Variants in CACNA1A observed in about 807,000 individuals in gnomAD.
CACNA1A encodes voltage-dependent P/Q-type calcium channel subunit alpha-1A.
In CACNA1A, 57 loss-of-function variants were observed where a neutral mutation model predicts 262.4. The ratio of observed to expected loss-of-function variants is 0.22; its 90% CI spans 0.18 to 0.27. The LOEUF (loss-of-function observed/expected upper bound fraction) is 0.27, where lower values mean the gene tolerates loss of function less well. CACNA1A is among the 10% of genes least tolerant of loss of function. The pLI is 1.00. For synonymous variants in CACNA1A, 1,431 were observed against 1,419.3 expected, an observed-to-expected ratio of 1.01 and a Z score of -0.18; for missense variants, 2,526 against 3,562.8, an observed-to-expected ratio of 0.71 and a Z score of 7.41.
At chr19:13,403,278 T>C (rs1028687366) in intron 3 of CACNA1A, among the ~76,000 whole-genome samples, 3 of 152,142 alleles carry the variant, frequency 2.0e-5, no homozygotes, top group African/African-American at 7.2e-5. Context: ...GTGTTGTTCT[T>C]TGCCTGGGAC....
chr19:13,342,435 T>C (rs911712255), intron 6 of CACNA1A, among the ~76,000 whole-genome samples: 2 of 152,162 alleles, frequency 1.3e-5, no homozygotes, highest in Admixed American at 6.5e-5. Flanking sequence ...GGCTTGCTCA[T>C]TTGTTAAATT....
chr19:13,429,175 C>T (rs1279606024), intron 3 of CACNA1A, among the ~76,000 whole-genome samples: 1 of 108,956 alleles, frequency 9.2e-6, no homozygotes, highest in Non-Finnish European at 2.2e-5. Context: ...CGTACACACA[C>T]ACACACACAC....
Position 13,298,646 on chromosome 19 carries a change from G to C in CACNA1A, c.2987C>G (p.Pro996Arg), listed in dbSNP as rs750356248. The change falls in exon 19 of 47, where the codon CCC (proline) becomes CGC (arginine). Residue 996 changes from proline to arginine, a missense_variant. By Grantham distance (103) the Pro-to-Arg change is moderately radical. Coordinates refer to ENST00000360228, the MANE Select transcript of CACNA1A (RefSeq NM_001127222.2). ...CCTTCTCCTGCGCTCGCCCCCGTCG[G>C]GGCCCTCGCCCTCGCCCTCGCCGCC... ...ARGGEGEGEG[P>R]DGGERRRRHR... 6.6e-7 allele frequency: 1 copy of C among 1,519,434 alleles called. No individual in the cohort carries two copies. Among genetic ancestry groups the C allele is most frequent in the South Asian group, 1.2e-5 (1 of 81,556 alleles). 94.1% of individuals were successfully genotyped at this position (1,519,434 alleles called of 1,614,324 possible).
intron 30 of CACNA1A, among the ~76,000 whole-genome samples, chr19:13,246,878 G>A (rs1013818282): frequency 4.0e-5 from 6 of 151,568 alleles, no homozygotes; most frequent in Admixed American, 2.6e-4. Flanking sequence ...CATCCGCCTC[G>A]GCCTCCCAAA....
intron 3 of CACNA1A, among the ~76,000 whole-genome samples, chr19:13,397,665 G>C (rs545583897): frequency 6.6e-6 from 1 of 152,168 alleles, no homozygotes; most frequent in Non-Finnish European, 1.5e-5. Flanking sequence ...CCCACGCAAA[G>C]ACTCATGTCT....
chr19:13,394,807 TTCTA>T (rs1352683007), intron 3 of CACNA1A, among the ~76,000 whole-genome samples: 2 of 152,152 alleles, frequency 1.3e-5, no homozygotes, highest in Non-Finnish European at 2.9e-5. Context: ...TCTCCTGCCC[TTCTA>T]TCTCTTAGTC....
chr19:13,413,161 C>T (rs1014828851), intron 3 of CACNA1A, among the ~76,000 whole-genome samples: 8 of 150,836 alleles, frequency 5.3e-5, no homozygotes, highest in African/African-American at 1.7e-4. Flanking sequence ...GGCTGGAGTG[C>T]AGTGGCGTGA....
In CACNA1A at chr19:13,455,149, C is replaced by T. The variant is rs1568661972; in HGVS notation, c.357G>A (p.Gln119=). Residue 119 remains glutamine, a synonymous_variant, in exon 2 of 47, where the codon CAG becomes CAA. Coordinates refer to ENST00000360228, the MANE Select transcript of CACNA1A (RefSeq NM_001127222.2). ...GGGTCTTGTCATCATCAGGCAGATGCTGCTCCAGTGCGAGGACGATGCAAT... is the reference window on the plus strand; with the variant it reads ...GGGTCTTGTCATCATCAGGCAGATGTTGCTCCAGTGCGAGGACGATGCAAT... ...IANCIVLALE[Q]HLPDDDKTPM... The T allele has an allele frequency of 1.2e-6, 2 of 1,612,632 alleles. No homozygotes were observed. The highest frequency in any genetic ancestry group is 8.5e-7 in the Non-Finnish European group (1 of 1,178,734).
At chr19:13,383,002 G>A (rs1304882236) in intron 3 of CACNA1A, among the ~76,000 whole-genome samples, 1 of 152,178 alleles carries the variant, frequency 6.6e-6, no homozygotes, top group Non-Finnish European at 1.5e-5. Flanking sequence ...GTTCTCTACT[G>A]TGTCATCCTT....
chr19:13,330,172 T>C (rs2058442189), intron 10 of CACNA1A, 72 bp downstream of exon 10: 3 of 1,081,518 alleles, frequency 2.8e-6, no homozygotes, highest in Non-Finnish European at 2.6e-6. Context: ...GCAAGCCCTC[T>C]GCCCCCACCC....
At chr19:13,451,920 T>G (rs774822723) in intron 3 of CACNA1A, 1 of 152,126 alleles carries the variant, frequency 6.6e-6, no homozygotes, top group Non-Finnish European at 1.5e-5. Flanking sequence ...TGGATGATCA[T>G]AGCTCACTGT....
Position 13,334,513 on chromosome 19 carries a change from C to A in CACNA1A, c.1083-20G>T. ...AACTCCCTGGAGAAGCATAGAAAAG[C>A]CAGAGTATGGCTGTTTTGAAAATGT... On this transcript the variant is annotated intron_variant, in intron 7 of 46. Transcript: ENST00000360228. The A allele has an allele frequency of 1.5e-6, 2 of 1,313,688 alleles. No homozygotes were observed. The highest frequency in any genetic ancestry group is 1.8e-4 in the Middle Eastern group (1 of 5,412). 81.4% of individuals were successfully genotyped at this position (1,313,688 alleles called of 1,614,324 possible).
rs2056816164 is a variant in CACNA1A at position 13,264,526 on chromosome 19, G to C, written c.3990-1693C>G. Reference sequence around the variant, plus strand: ...TCTGGGCATGGCATTCAATGCTCTTGAAAATCTAGTCCAACTTACCTTCAC... The same window carrying C: ...TCTGGGCATGGCATTCAATGCTCTTCAAAATCTAGTCCAACTTACCTTCAC... On this transcript the variant is annotated intron_variant, in intron 24 of 46. Coordinates refer to ENST00000360228, the MANE Select transcript of CACNA1A (RefSeq NM_001127222.2). Among the ~76,000 whole-genome samples, 3 of 152,220 alleles carry C rather than the reference G, an allele frequency of 2.0e-5. No homozygotes were observed. The South Asian group carries it at 6.2e-4, about 32-fold the overall frequency.
chr19:13,360,113 T>C (rs1256798678), intron 5 of CACNA1A, among the ~76,000 whole-genome samples: 1 of 151,948 alleles, frequency 6.6e-6, no homozygotes, highest in East Asian at 1.9e-4. Context: ...AAGTGTGGCT[T>C]TACCTGCATC....
chr19:13,207,268 G>C lies in CACNA1A; in HGVS notation c.*45C>G. 3 of 1,503,120 alleles carry C rather than the reference G, an allele frequency of 2.0e-6. No homozygotes were observed. The highest frequency in any genetic ancestry group is 1.8e-6 in the Non-Finnish European group (2 of 1,130,082). The allele number at this position is 1,503,120 out of a possible 1,614,324, so 93.1% of individuals were successfully genotyped here. The stretch of plus-strand genomic sequence containing the variant: ...GCGCGGCTCCTCGGGTGGGGTGTGT[G>C]CGTGGGGTGCGTGGGGGGCCGGGCG... On this transcript the variant is annotated 3_prime_UTR_variant, in exon 47 of 47. Coordinates refer to ENST00000360228, the MANE Select transcript of CACNA1A (RefSeq NM_001127222.2). This position sits in a 1 kb window ranked among gnomAD's most constrained non-coding sequence, Gnocchi z 5.7.
chr19:13,335,677 G>T lies in CACNA1A; in HGVS notation c.1082+129C>A, dbSNP rs910192429. On this transcript the variant is annotated intron_variant, in intron 7 of 46. Coordinates refer to ENST00000360228, the MANE Select transcript of CACNA1A (RefSeq NM_001127222.2). The stretch of plus-strand genomic sequence containing the variant: ...TGCATGGCTTGCTAATAACAGTCTG[G>T]TAACCCAAACAAGGGAAGAAGCCTT... 5.0e-5 allele frequency: 35 copies of T among 696,274 alleles called. No homozygotes were observed. The South Asian group carries it at 5.7e-4, about 11-fold the overall frequency. 43.1% of individuals were successfully genotyped at this position (696,274 alleles called of 1,614,324 possible). A position where few individuals can be genotyped will look rare whatever the true frequency, so the allele number is the denominator to read the frequency against.
At chr19:13,289,133 G>C (rs991510370) in intron 19 of CACNA1A, among the ~76,000 whole-genome samples, 11 of 144,344 alleles carry the variant, frequency 7.6e-5, no homozygotes, top group African/African-American at 2.6e-4. Flanking sequence ...TTGAATCTCG[G>C]CAATGTCTTT....
intron 3 of CACNA1A, among the ~76,000 whole-genome samples, chr19:13,441,446 C>G (rs2144880364): frequency 6.6e-6 from 1 of 152,106 alleles, no homozygotes; most frequent in South Asian, 2.1e-4. Flanking sequence ...GCGAGTGGAT[C>G]ACCTGAGGGG....
At chr19:13,248,576 C>G (rs556640195) in intron 30 of CACNA1A, among the ~76,000 whole-genome samples, 12 of 152,180 alleles carry the variant, frequency 7.9e-5, no homozygotes, top group African/African-American at 2.9e-4. Flanking sequence ...GGTACGGTGG[C>G]TCATGCCTAT....
Sources: allele counts gnomAD v4.1 joint callset (sites outside exome capture counted in the v4.1 genomes callset), GRCh38; gene constraint gnomAD v4.1.1; non-coding constraint Gnocchi (gnomAD v3.1); transcripts MANE v1.5; gene names NCBI Gene and HGNC (gene_info 2026-07-23, HGNC 2026-07-21).